Variants in SORBS2 observed in about 807,000 individuals in gnomAD.
SORBS2 encodes the protein sorbin and SH3 domain-containing protein 2.
A neutral mutation model predicts 97.7 loss-of-function variants in SORBS2; 46 were observed. The ratio of observed to expected loss-of-function variants is 0.47; its 90% confidence interval spans 0.37 to 0.60. SORBS2 has a LOEUF of 0.60. SORBS2 is among the 20% of genes least tolerant of loss of function. The probability of loss-of-function intolerance (pLI) is 0.00; values close to 1 mark genes in which losing one functional copy is unlikely to be tolerated. For missense variants in SORBS2, 1,316 were observed against 1,282.3 expected (o/e 1.03, Z -0.40); for synonymous variants, 476 against 473.4 (o/e 1.01, Z -0.07).
intron 2 of SORBS2, among the ~76,000 whole-genome samples, chr4:185,762,885 G>A (rs975261677): frequency 1.3e-5 from 2 of 152,076 alleles, no homozygotes; most frequent in Admixed American, 6.6e-5. Context: ...TTAGTTAAAG[G>A]CACTTAAGAA....
At chr4:185,698,632 A>C (rs1183252580) in intron 2 of SORBS2, among the ~76,000 whole-genome samples, 2 of 152,240 alleles carry the variant, frequency 1.3e-5, no homozygotes, top group African/African-American at 4.8e-5. Context: ...AAAAGAACAA[A>C]ATATGAGAAG....
At chr4:185,703,586 A>G (rs2098296558) in intron 2 of SORBS2, among the ~76,000 whole-genome samples, 1 of 152,202 alleles carries the variant, frequency 6.6e-6, no homozygotes, top group Non-Finnish European at 1.5e-5. Flanking sequence ...GCTAAATGAC[A>G]ATAGCATGGG....
At chr4:185,876,926 G>C (rs568893035) in intron 1 of SORBS2, among the ~76,000 whole-genome samples, 1 of 152,320 alleles carries the variant, frequency 6.6e-6, no homozygotes, top group African/African-American at 2.4e-5. Flanking sequence ...CAGAAAATGT[G>C]TTGATAAGGT....
chr4:185,789,707 C>T (rs1210340998), intron 1 of SORBS2, among the ~76,000 whole-genome samples: 1 of 151,970 alleles, frequency 6.6e-6, no homozygotes, highest in Non-Finnish European at 1.5e-5. Context: ...ACAACAGAAT[C>T]ATTCAAGAGA....
chr4:185,669,217 A>G (rs890353015), intron 4 of SORBS2, among the ~76,000 whole-genome samples: 2 of 152,232 alleles, frequency 1.3e-5, no homozygotes, highest in East Asian at 1.9e-4. Flanking sequence ...TCAAGTGCCC[A>G]TCATGGGTCA....
At chr4:185,890,385 C>T (rs1233297960) in intron 1 of SORBS2, among the ~76,000 whole-genome samples, 1 of 152,198 alleles carries the variant, frequency 6.6e-6, no homozygotes, top group African/African-American at 2.4e-5. Flanking sequence ...GAAGCACTTA[C>T]AGATGTTATC....
At chr4:185,637,927 A>T in intron 4 of SORBS2, 152 bp downstream of exon 15, 1 of 578,708 alleles carries the variant, frequency 1.7e-6, no homozygotes, top group Non-Finnish European at 3.1e-6. Flanking sequence ...TGGTACAGAA[A>T]TGAATCTGGA....
chr4:185,731,864 C>CTATATATA (rs2098639782), intron 2 of SORBS2, among the ~76,000 whole-genome samples: 1 of 29,006 alleles, frequency 3.4e-5, no homozygotes, highest in Non-Finnish European at 5.8e-5. Context: ...CTCTCTCTCT[C>CTATATATA]TCTATATATA....
chr4:185,940,216 A>C (rs1001101457), intron 1 of SORBS2, among the ~76,000 whole-genome samples: 7 of 152,082 alleles, frequency 4.6e-5, no homozygotes, highest in Admixed American at 4.6e-4. Flanking sequence ...ATAGCTCCCA[A>C]ACATATATCT....
chr4:185,808,683 A>T (rs1275866777), intron 1 of SORBS2, among the ~76,000 whole-genome samples: 1 of 152,220 alleles, frequency 6.6e-6, no homozygotes, highest in African/African-American at 2.4e-5. Context: ...ACTTAGGAAC[A>T]TTAAAAGAAA....
intron 1 of SORBS2, among the ~76,000 whole-genome samples, chr4:185,917,639 C>T (rs929706806): frequency 6.6e-6 from 1 of 152,240 alleles, no homozygotes; most frequent in African/African-American, 2.4e-5. Flanking sequence ...TATAGCCAGC[C>T]GGTCAGAAGC....
chr4:185,713,813 C>T (rs1273231287), intron 2 of SORBS2, among the ~76,000 whole-genome samples: 1 of 152,156 alleles, frequency 6.6e-6, no homozygotes, highest in East Asian at 1.9e-4. Context: ...GATATTGCAG[C>T]CTGGTACACA....
intron 1 of SORBS2, among the ~76,000 whole-genome samples, chr4:185,914,825 A>T (rs1368304628): frequency 6.6e-6 from 1 of 152,140 alleles, no homozygotes; most frequent in Non-Finnish European, 1.5e-5. Context: ...ACCAGTCACA[A>T]CTCATTTATT....
intron 4 of SORBS2, among the ~76,000 whole-genome samples, chr4:185,663,633 C>T (rs934692121): frequency 1.3e-5 from 2 of 152,118 alleles, no homozygotes; most frequent in African/African-American, 4.8e-5. Flanking sequence ...CTTTCACCTC[C>T]TTGCCCAAGT....
intron 2 of SORBS2, among the ~76,000 whole-genome samples, chr4:185,710,510 C>A (rs1178050880): frequency 6.6e-6 from 1 of 152,192 alleles, no homozygotes; most frequent in Non-Finnish European, 1.5e-5. Context: ...ATCCACACTC[C>A]CCCCCAAATT....
intron 1 of SORBS2, among the ~76,000 whole-genome samples, chr4:185,801,470 A>T (rs539208790): frequency 1.1e-4 from 17 of 152,218 alleles, no homozygotes; most frequent in African/African-American, 3.6e-4. Flanking sequence ...CCACATCCTC[A>T]CCAACACTCG....
At chr4:185,826,956 G>A (rs1028586300) in intron 1 of SORBS2, among the ~76,000 whole-genome samples, 4 of 151,890 alleles carry the variant, frequency 2.6e-5, no homozygotes, top group Admixed American at 2.6e-4. Context: ...CAATGCAAGT[G>A]ACATGCAGTG....
In SORBS2 at chr4:185,623,455, G is replaced by A; in HGVS notation, c.1674C>T (p.Ile558=). 6.2e-7 allele frequency: 1 copy of A among 1,612,520 alleles called. No individual in the cohort carries two copies. The highest frequency in any genetic ancestry group is 1.1e-5 in the South Asian group (1 of 91,068). Residue 558 remains isoleucine (I), a synonymous_variant, in exon 7 of 15, where the codon ATC becomes ATT. Transcript: ENST00000418609. This position sits in a 1 kb window ranked among gnomAD's most constrained non-coding sequence, Gnocchi z 6.4. ...CCGGGCACCTGCCTTTGCAGGAGCT[G>A]ATGAGGTGGCGGTGGTGGTGGTGGT...
At chr4:185,672,142 C>CA (rs2097722279) in intron 4 of SORBS2, among the ~76,000 whole-genome samples, 1 of 152,222 alleles carries the variant, frequency 6.6e-6, no homozygotes, top group Non-Finnish European at 1.5e-5. Context: ...TGCAGTTCTG[C>CA]ACCTATTATC....
Sources: gnomAD v4.1 joint callset for allele counts (sites outside exome capture counted in the v4.1 genomes callset) on GRCh38, gnomAD v4.1.1 for gene constraint, Gnocchi (gnomAD v3.1) non-coding constraint, MANE v1.5 for transcripts, NCBI Gene and HGNC (gene_info 2026-07-23, HGNC 2026-07-21) for gene names.